Variants in DPP10 observed in about 807,000 individuals in gnomAD.
The protein encoded by DPP10 is inactive dipeptidyl peptidase 10.
A neutral mutation model predicts 120.9 loss-of-function variants in DPP10; 33 were observed. The observed-to-expected ratio is 0.27, with a 90% CI of 0.21 to 0.37. DPP10 has a LOEUF of 0.37. DPP10 is among the 10% of genes least tolerant of loss of function. The pLI is 1.00. For synonymous variants in DPP10, 337 were observed against 326.1 expected (o/e 1.03, Z -0.36); for missense variants, 816 against 942.8 (o/e 0.87, Z 1.76).
At chr2:114,980,773 G>A (rs79101292) in intron 1 of DPP10, among the ~76,000 whole-genome samples, 1 of 151,984 alleles carries the variant, frequency 6.6e-6, no homozygotes, top group East Asian at 1.9e-4. Context: ...GTATAAGCAT[G>A]AGCCACTGCA....
intron 1 of DPP10, among the ~76,000 whole-genome samples, chr2:114,961,489 G>T (rs866556515): frequency 6.6e-6 from 1 of 151,874 alleles, no homozygotes; most frequent in Non-Finnish European, 1.5e-5. Flanking sequence ...ACATTTCAGA[G>T]AAACCTGAGA....
chr2:114,832,307 G>A (rs146981464), intron 1 of DPP10, among the ~76,000 whole-genome samples: 6,001 of 152,322 alleles, frequency 0.039, 389 homozygotes, highest in African/African-American at 0.14. Flanking sequence ...GCCGAGGCAG[G>A]TGGATCAGGA....
chr2:115,375,558 A>G (rs2065731211), intron 3 of DPP10, among the ~76,000 whole-genome samples: 1 of 152,294 alleles, frequency 6.6e-6, no homozygotes, highest in South Asian at 2.1e-4. Flanking sequence ...CCACATTTTC[A>G]GGTATCTTTA....
intron 1 of DPP10, among the ~76,000 whole-genome samples, chr2:114,550,213 C>T (rs1290536406): frequency 6.6e-6 from 1 of 152,168 alleles, no homozygotes; most frequent in African/African-American, 2.4e-5. Context: ...CCTCAACATT[C>T]CCACACCATT....
At chr2:114,718,893 A>C (rs1574035597) in intron 1 of DPP10, among the ~76,000 whole-genome samples, 1 of 152,214 alleles carries the variant, frequency 6.6e-6, no homozygotes, top group East Asian at 1.9e-4. Flanking sequence ...TTTTGTGACA[A>C]TAATCATCAG....
chr2:114,466,288 A>T (rs1679369703), intron 1 of DPP10, among the ~76,000 whole-genome samples: 1 of 152,230 alleles, frequency 6.6e-6, no homozygotes, highest in Admixed American at 6.5e-5. Flanking sequence ...ATAATAACAT[A>T]AACATATATG....
At chr2:115,019,462 C>A (rs1003719544) in intron 1 of DPP10, among the ~76,000 whole-genome samples, 3 of 151,810 alleles carry the variant, frequency 2.0e-5, no homozygotes, top group Admixed American at 1.3e-4. Flanking sequence ...CCCAATCCAA[C>A]AAAAACAAGG....
At chr2:114,669,422 A>G (rs1266602971) in intron 1 of DPP10, among the ~76,000 whole-genome samples, 1 of 152,164 alleles carries the variant, frequency 6.6e-6, no homozygotes, top group African/African-American at 2.4e-5. Context: ...AAGCTGTTGC[A>G]CTTAATGGGG....
chr2:114,896,117 T>C (rs1156710803), intron 1 of DPP10, among the ~76,000 whole-genome samples: 2 of 152,244 alleles, frequency 1.3e-5, no homozygotes, highest in South Asian at 4.1e-4. Context: ...AACAGTACCA[T>C]GCTGTTTTGG....
intron 1 of DPP10, among the ~76,000 whole-genome samples, chr2:114,725,210 A>C (rs934220619): frequency 6.6e-6 from 1 of 152,192 alleles, no homozygotes; most frequent in South Asian, 2.1e-4. Flanking sequence ...CATTAAAATT[A>C]TATCTGATGC....
intron 1 of DPP10, among the ~76,000 whole-genome samples, chr2:115,290,366 C>T (rs539472020): frequency 4.9e-4 from 74 of 151,966 alleles, no homozygotes; most frequent in South Asian, 1.9e-3. Context: ...GATTAATTGA[C>T]GGGTGGATTA....
intron 3 of DPP10, 75 bp downstream of exon 3, chr2:115,343,987 TAA>T (rs2063581825): frequency 7.9e-7 from 1 of 1,259,234 alleles, no homozygotes; most frequent in Non-Finnish European, 1.1e-6. Context: ...ATGAGATGTG[TAA>T]GCTGGGCGCA....
intron 1 of DPP10, among the ~76,000 whole-genome samples, chr2:114,896,455 C>G (rs1693008548): frequency 6.6e-6 from 1 of 152,206 alleles, no homozygotes; most frequent in East Asian, 1.9e-4. Context: ...CTTCACGTCC[C>G]TTGTAAGTTG....
intron 1 of DPP10, among the ~76,000 whole-genome samples, chr2:114,903,017 CT>C (rs1375502833): frequency 6.6e-6 from 1 of 152,100 alleles, no homozygotes; most frequent in Non-Finnish European, 1.5e-5. Context: ...ATAGTTTTGC[CT>C]TTGCCAGAAT....
At chr2:114,673,436 TC>T (rs1460361200) in intron 1 of DPP10, among the ~76,000 whole-genome samples, 3 of 152,142 alleles carry the variant, frequency 2.0e-5, no homozygotes, top group African/African-American at 7.2e-5. Flanking sequence ...TTTTTTCTTT[TC>T]TTTTTTTATT....
chr2:115,717,069 C>T (rs1233764383), intron 7 of DPP10, among the ~76,000 whole-genome samples: 1 of 152,126 alleles, frequency 6.6e-6, no homozygotes, highest in African/African-American at 2.4e-5. Context: ...ATGCAGGATC[C>T]CTTTTGTTAA....
intron 1 of DPP10, among the ~76,000 whole-genome samples, chr2:114,988,030 TC>T (rs1700523990): frequency 6.6e-6 from 1 of 151,952 alleles, no homozygotes; most frequent in Non-Finnish European, 1.5e-5. Context: ...GGTCTCGATC[TC>T]CTGACCTCGT....
intron 2 of DPP10, among the ~76,000 whole-genome samples, chr2:115,326,102 T>C (rs144018812): frequency 2.6e-5 from 4 of 152,302 alleles, no homozygotes; most frequent in Admixed American, 1.3e-4. Flanking sequence ...ACTTCTGTAA[T>C]ATGAATTGGT....
intron 1 of DPP10, among the ~76,000 whole-genome samples, chr2:114,736,210 C>T (rs181793241): frequency 2.2e-4 from 34 of 152,110 alleles, no homozygotes; most frequent in Admixed American, 1.8e-3. Context: ...ATGCCATGCT[C>T]CTCCCTCCAC....
Sources: gnomAD v4.1 joint callset for allele counts (sites outside exome capture counted in the v4.1 genomes callset) on GRCh38, gnomAD v4.1.1 for gene constraint, MANE v1.5 for transcripts, NCBI Gene and HGNC (gene_info 2026-07-23, HGNC 2026-07-21) for gene names.